Variants in ATF1 observed in about 807,000 individuals in gnomAD.
The protein encoded by ATF1 is cyclic AMP-dependent transcription factor ATF-1.
In ATF1, 16 loss-of-function variants were observed where a neutral mutation model predicts 34.7. The observed-to-expected ratio is 0.46, with a 90% CI of 0.31 to 0.70. The LOEUF is 0.70. Ranked by LOEUF, ATF1 falls within the 30% of genes least tolerant of loss-of-function variation. The pLI, the probability that ATF1 is intolerant of heterozygous loss-of-function variation, is 0.05. For synonymous variants in ATF1, 105 were observed against 113.1 expected (o/e 0.93, Z 0.46); for missense variants, 255 against 321.6 (o/e 0.79, Z 1.58).
At chr12:50,774,503 T>C (rs1011331540) in intron 1 of ATF1, among the ~76,000 whole-genome samples, 7 of 152,204 alleles carry the variant, frequency 4.6e-5, no homozygotes, top group African/African-American at 1.7e-4. Context: ...GTTAAGCTTA[T>C]ATATGCTAAC....
chr12:50,798,446 C>T (rs1331655872), intron 3 of ATF1, among the ~76,000 whole-genome samples: 10 of 151,796 alleles, frequency 6.6e-5, no homozygotes, highest in African/African-American at 2.4e-4. Context: ...GTAGCTGGGA[C>T]TACAGGCGCC....
At chr12:50,811,630 G>GAAAAA (rs11464441) in intron 4 of ATF1, among the ~76,000 whole-genome samples, 1 of 72,934 alleles carries the variant, frequency 1.4e-5, no homozygotes, top group Non-Finnish European at 2.8e-5. Context: ...GAAAAATGAA[G>GAAAAA]AAAAAAAAAA....
chr12:50,813,824 A>G (rs1941786208), intron 4 of ATF1, among the ~76,000 whole-genome samples, 186 bp from the exon 5 acceptor site: 1 of 152,164 alleles, frequency 6.6e-6, no homozygotes, highest in African/African-American at 2.4e-5. Context: ...AAAAAAGAAA[A>G]AAAAAAAAGA....
chr12:50,788,218 T>G (rs984116206), intron 2 of ATF1: 4 of 452,784 alleles, frequency 8.8e-6, no homozygotes, highest in African/African-American at 8.0e-5. Flanking sequence ...GGTCTCACTC[T>G]GTCACCCAGA....
rs1369398294 is a variant in ATF1 at position 50,820,291 on chromosome 12, T to TGTCAA, written c.*516_*520dup. The TGTCAA allele has an allele frequency of 5.2e-6, 1 of 191,010 alleles. No homozygotes were observed. Among genetic ancestry groups the TGTCAA allele is most frequent in the Non-Finnish European group, 1.1e-5 (1 of 91,124 alleles). The allele number at this position is 191,010 out of a possible 1,614,324, so 11.8% of individuals were successfully genotyped here. A position where few individuals can be genotyped will look rare whatever the true frequency, so the allele number is the denominator to read the frequency against. On this transcript the variant is annotated 3_prime_UTR_variant, in exon 7 of 7. Coordinates refer to ENST00000262053, the MANE Select transcript of ATF1 (RefSeq NM_005171.5). ...TTCTGATTATGTATACTTGTTCTAG[T>TGTCAA]GTCAAGTCTTTTTAAGTGGGTTTTT...
At chr12:50,771,956 T>C (rs1375025114) in intron 1 of ATF1, among the ~76,000 whole-genome samples, 1 of 152,240 alleles carries the variant, frequency 6.6e-6, no homozygotes, top group Non-Finnish European at 1.5e-5. Context: ...TTGTTTAGCA[T>C]ATCATCGACA....
intron 1 of ATF1, among the ~76,000 whole-genome samples, chr12:50,772,007 CTCTG>C (rs1292700114): frequency 1.3e-5 from 2 of 152,222 alleles, no homozygotes; most frequent in Admixed American, 6.5e-5. Context: ...CTCGGGGCTG[CTCTG>C]TCTATGGAGT....
Position 50,796,019 on chromosome 12 carries a change from C to G in ATF1, c.194+10C>G. 1 of 1,587,700 alleles carries G rather than the reference C, an allele frequency of 6.3e-7. No homozygotes were observed. The highest frequency in any genetic ancestry group is 8.6e-7 in the Non-Finnish European group (1 of 1,164,856). ...GGCGCCCATCTTACAGGTGAGTACT[C>G]TCTTGTATGAAGCCCTGCATGTTAT... On this transcript the variant is annotated intron_variant, in intron 3 of 6. Coordinates refer to ENST00000262053, the MANE Select transcript of ATF1 (RefSeq NM_005171.5).
chr12:50,795,816 C>T, intron 2 of ATF1, 93 bp from the exon 3 acceptor site: 1 of 885,488 alleles, frequency 1.1e-6, no homozygotes, highest in South Asian at 1.5e-5. Context: ...ATTGGAGTGG[C>T]AGGAGACAGA....
intron 3 of ATF1, among the ~76,000 whole-genome samples, chr12:50,805,572 A>C (rs531171425): frequency 7.1e-4 from 108 of 151,976 alleles, no homozygotes; most frequent in African/African-American, 2.6e-3. Flanking sequence ...AAAAAAAAAA[A>C]AAAAAAAAAA....
At chr12:50,789,022 C>T (rs1186519239) in intron 2 of ATF1, among the ~76,000 whole-genome samples, 1 of 151,944 alleles carries the variant, frequency 6.6e-6, no homozygotes, top group East Asian at 1.9e-4. Context: ...GCATGCGTTA[C>T]AGTGCTAGCG....
chr12:50,788,717 T>C (rs958795342), intron 2 of ATF1, among the ~76,000 whole-genome samples: 2 of 152,208 alleles, frequency 1.3e-5, no homozygotes, highest in African/African-American at 4.8e-5. Context: ...TTTGCGGTCA[T>C]TCATGGACAT....
intron 2 of ATF1, among the ~76,000 whole-genome samples, chr12:50,790,979 A>G (rs1442805635): frequency 6.6e-6 from 1 of 152,058 alleles, no homozygotes; most frequent in African/African-American, 2.4e-5. Context: ...GGCTGGAACA[A>G]ACAGTAAAAT....
chr12:50,790,491 CTCTTTGT>C (rs886700044), intron 2 of ATF1, among the ~76,000 whole-genome samples: 2 of 152,122 alleles, frequency 1.3e-5, no homozygotes, highest in Non-Finnish European at 2.9e-5. Flanking sequence ...CTGCACCCAG[CTCTTTGT>C]TTATTCTTAT....
chr12:50,768,234 T>A (rs777229944), intron 1 of ATF1, among the ~76,000 whole-genome samples: 11 of 152,184 alleles, frequency 7.2e-5, no homozygotes, highest in Admixed American at 6.5e-5. Context: ...GTAAGTCGTT[T>A]CTGGTTTAAT....
At chr12:50,774,752 G>GT (rs63149060) in intron 1 of ATF1, among the ~76,000 whole-genome samples, 19,458 of 141,054 alleles carry the variant, frequency 0.14, 2,514 homozygotes, top group East Asian at 0.33. Flanking sequence ...TTTTGTTTTT[G>GT]TTTTTTTTTT....
At chr12:50,773,740 C>T (rs1940840202) in intron 1 of ATF1, among the ~76,000 whole-genome samples, 1 of 152,026 alleles carries the variant, frequency 6.6e-6, no homozygotes, top group African/African-American at 2.4e-5. Context: ...CAGGTGCCCA[C>T]CACCACGCCT....
chr12:50,801,224 G>A (rs1181035500), intron 3 of ATF1, among the ~76,000 whole-genome samples: 1 of 152,098 alleles, frequency 6.6e-6, no homozygotes, highest in Non-Finnish European at 1.5e-5. Context: ...TTCTAATATG[G>A]TGGTAAGGTT....
At chr12:50,775,875 G>C (rs1459637991) in intron 1 of ATF1, among the ~76,000 whole-genome samples, 2 of 152,102 alleles carry the variant, frequency 1.3e-5, no homozygotes, top group African/African-American at 2.4e-5. Flanking sequence ...TAGTCTGTGG[G>C]ATTACCTTGT....
Sources: gnomAD v4.1 joint callset for allele counts (sites outside exome capture counted in the v4.1 genomes callset) on GRCh38, gnomAD v4.1.1 for gene constraint, MANE v1.5 for transcripts, NCBI Gene and HGNC (gene_info 2026-07-23, HGNC 2026-07-21) for gene names.